DOCK3: variants seen among roughly 807,000 people sequenced by gnomAD.
DOCK3 encodes dedicator of cytokinesis protein 3.
A neutral mutation model predicts 265.6 loss-of-function variants in DOCK3; 60 were observed. The observed-to-expected ratio is 0.23, with a 90% CI of 0.18 to 0.28. DOCK3 has a LOEUF of 0.28. Ranked by LOEUF, DOCK3 falls within the 10% of genes least tolerant of loss-of-function variation. The pLI is 1.00. For missense variants in DOCK3, 1,981 were observed against 2,594.3 expected (o/e 0.76, Z 5.14); for synonymous variants, 881 against 938.0 (o/e 0.94, Z 1.11).
intron 5 of DOCK3, among the ~76,000 whole-genome samples, chr3:50,987,118 T>C (rs1027053934): frequency 6.6e-6 from 1 of 152,262 alleles, no homozygotes; most frequent in South Asian, 2.1e-4. Context: ...ACAAGGGATA[T>C]GTGTGTTCTT....
intron 9 of DOCK3, among the ~76,000 whole-genome samples, chr3:51,136,543 A>G (rs539169018): frequency 2.4e-4 from 37 of 152,142 alleles, no homozygotes; most frequent in Non-Finnish European, 4.9e-4. Flanking sequence ...TGGCCTTGTC[A>G]GCCCCTTTCT....
At position 51,285,142 on chromosome 3, in the gene DOCK3, C is replaced by T. The variant is rs1338106676; in HGVS notation, c.2922+4938C>T. Among the ~76,000 whole-genome samples the T allele has an allele frequency of 2.0e-5, 3 of 152,114 alleles. No homozygotes were observed. The East Asian group carries it at 5.8e-4, about 29-fold the overall frequency. On this transcript the variant is annotated intron_variant, in intron 27 of 52. Coordinates refer to ENST00000266037, the MANE Select transcript of DOCK3 (RefSeq NM_004947.5). ...AGGAGGCCACCCAAAACAGAGACAGCAGTCTGGACAAACACAAAGATTTGA... is the reference window on the plus strand; with the variant it reads ...AGGAGGCCACCCAAAACAGAGACAGTAGTCTGGACAAACACAAAGATTTGA...
intron 27 of DOCK3, among the ~76,000 whole-genome samples, chr3:51,283,061 G>C (rs1173736457): frequency 6.6e-6 from 1 of 152,180 alleles, no homozygotes; most frequent in Non-Finnish European, 1.5e-5. Flanking sequence ...AATGACGTGA[G>C]CCACACAGAA....
intron 4 of DOCK3, among the ~76,000 whole-genome samples, chr3:50,911,748 T>C (rs2049864937): frequency 6.6e-6 from 1 of 152,044 alleles, no homozygotes; most frequent in African/African-American, 2.4e-5. Context: ...GCATGGAATC[T>C]GCAGATTGCT....
chr3:50,971,250 G>GT (rs1268153249), intron 5 of DOCK3, among the ~76,000 whole-genome samples: 3 of 151,486 alleles, frequency 2.0e-5, no homozygotes, highest in Non-Finnish European at 2.9e-5. Context: ...TTGTAATGCT[G>GT]TTTTTTTATA....
At chr3:51,273,848 C>A (rs1198229959) in intron 24 of DOCK3, among the ~76,000 whole-genome samples, 2 of 152,142 alleles carry the variant, frequency 1.3e-5, no homozygotes, top group Non-Finnish European at 2.9e-5. Flanking sequence ...TATGATGGGA[C>A]CTGCAGAGTC....
intron 14 of DOCK3, among the ~76,000 whole-genome samples, chr3:51,217,392 A>T (rs2089846116): frequency 6.6e-6 from 1 of 152,214 alleles, no homozygotes; most frequent in Admixed American, 6.5e-5. Context: ...ACAGCCATTC[A>T]GTTCTGCTCA....
At chr3:51,140,696 C>T (rs2085015805) in intron 9 of DOCK3, among the ~76,000 whole-genome samples, 1 of 152,092 alleles carries the variant, frequency 6.6e-6, no homozygotes, top group African/African-American at 2.4e-5. Flanking sequence ...AGTGGCAGTA[C>T]CATTTTGCAT....
At chr3:50,696,316 A>G (rs2035614916) in intron 1 of DOCK3, among the ~76,000 whole-genome samples, 2 of 152,200 alleles carry the variant, frequency 1.3e-5, no homozygotes, top group African/African-American at 4.8e-5. Context: ...TGAAATCACT[A>G]GAGTGGGGGA....
intron 12 of DOCK3, among the ~76,000 whole-genome samples, chr3:51,167,798 CCTG>C (rs2086481083): frequency 1.3e-5 from 2 of 152,006 alleles, no homozygotes; most frequent in Non-Finnish European, 2.9e-5. Context: ...GATTTTGTCT[CCTG>C]CTACTTTACC....
chr3:51,261,747 A>G (rs541867070), intron 23 of DOCK3, among the ~76,000 whole-genome samples: 2 of 152,282 alleles, frequency 1.3e-5, no homozygotes, highest in African/African-American at 4.8e-5. Context: ...CCACCATTAC[A>G]GAGGCTTGAG....
At chr3:50,703,740 A>T in intron 1 of DOCK3, among the ~76,000 whole-genome samples, 1 of 150,104 alleles carries the variant, frequency 6.7e-6, no homozygotes, top group Non-Finnish European at 1.5e-5. Context: ...GATTTTGTTT[A>T]TCTTTTTAAG....
At chr3:50,872,893 G>A (rs185955258) in intron 3 of DOCK3, among the ~76,000 whole-genome samples, 2 of 152,310 alleles carry the variant, frequency 1.3e-5, no homozygotes, top group Admixed American at 1.3e-4. Flanking sequence ...CAGTCAGCTT[G>A]TGGTGACTCT....
chr3:51,249,865 G>A (rs1365629932), intron 22 of DOCK3, among the ~76,000 whole-genome samples: 7 of 147,176 alleles, frequency 4.8e-5, no homozygotes, highest in Non-Finnish European at 1.1e-4. Context: ...TTGAGAAATC[G>A]GATGGTTGCC....
chr3:50,685,070 T>G (rs1161940209), intron 1 of DOCK3, among the ~76,000 whole-genome samples: 1 of 152,216 alleles, frequency 6.6e-6, no homozygotes, highest in Non-Finnish European at 1.5e-5. Context: ...AAAATAAATT[T>G]GGAACCATAC....
chr3:51,025,402 C>T (rs1291654521), intron 5 of DOCK3, among the ~76,000 whole-genome samples: 1 of 152,084 alleles, frequency 6.6e-6, no homozygotes, highest in African/African-American at 2.4e-5. Flanking sequence ...TTTTCAAGGT[C>T]GGTGTCACTC....
intron 37 of DOCK3, among the ~76,000 whole-genome samples, chr3:51,340,736 T>C (rs946356419): frequency 1.3e-5 from 2 of 152,236 alleles, no homozygotes; most frequent in Non-Finnish European, 2.9e-5. Context: ...TGCTGTTGTT[T>C]TACATAACCT....
intron 9 of DOCK3, among the ~76,000 whole-genome samples, chr3:51,118,623 T>C (rs2083865938): frequency 6.6e-6 from 1 of 152,220 alleles, no homozygotes; most frequent in Non-Finnish European, 1.5e-5. Flanking sequence ...AAGAACTTGC[T>C]TTATGAATCT....
chr3:50,922,574 C>T (rs957667260), intron 4 of DOCK3, among the ~76,000 whole-genome samples: 11 of 152,166 alleles, frequency 7.2e-5, no homozygotes, highest in South Asian at 2.1e-4. Context: ...GAGATGAACC[C>T]GGTACCTCAA....
Sources: gnomAD v4.1 joint callset for allele counts (sites outside exome capture counted in the v4.1 genomes callset) on GRCh38, gnomAD v4.1.1 for gene constraint, MANE v1.5 for transcripts, NCBI Gene and HGNC (gene_info 2026-07-23, HGNC 2026-07-21) for gene names.